The following C5AR1 variants were observed in gnomAD, a reference collection of about 807,000 sequenced individuals.
The protein encoded by C5AR1 is complement C5a receptor 1.
C5AR1 carries 4 observed loss-of-function variants against 2.4 expected under a neutral mutation model. That is an observed-to-expected ratio of 1.65 (90% CI 0.81 to 3.77). The LOEUF (loss-of-function observed/expected upper bound fraction) is 3.77, where lower values mean the gene tolerates loss of function less well. C5AR1 is among the 30% of genes most tolerant of loss of function. The pLI is 0.01. For missense variants in C5AR1, 418 were observed against 462.5 expected, an observed-to-expected ratio of 0.90 and a Z score of 0.88; for synonymous variants, 209 against 210.4, an observed-to-expected ratio of 0.99 and a Z score of 0.06.
intron 1 of C5AR1, 70 bp downstream of exon 1, chr19:47,309,968 C>T (rs2059264856): frequency 6.6e-7 from 1 of 1,506,386 alleles, no homozygotes; most frequent in African/African-American, 1.4e-5. Context: ...TCCAGTGGGT[C>T]CTTCTCTCTC....
intron 1 of C5AR1, chr19:47,316,570 A>G (rs998390832): frequency 6.6e-6 from 1 of 151,952 alleles, no homozygotes; most frequent in African/African-American, 2.4e-5. Flanking sequence ...TCTCTGGAGT[A>G]GCTGGGATTA....
In C5AR1 at chr19:47,320,788, C is replaced by T; in HGVS notation, c.1011C>T (p.Arg337=). The T allele has an allele frequency of 6.2e-7, 1 of 1,614,084 alleles. No homozygotes were observed. The highest frequency in any genetic ancestry group is 8.5e-7 in the Non-Finnish European group (1 of 1,180,000). ...SVVRESKSFT[R]STVDTMAQKT... The stretch of plus-strand genomic sequence containing the variant: ...TTAGGGAGAGCAAGTCATTCACGCG[C>T]TCCACAGTGGACACTATGGCCCAGA... Residue 337 remains arginine (R), a synonymous_variant, in exon 2 of 2, where the codon CGC becomes CGT. Transcript: ENST00000355085. This position sits in a 1 kb window ranked among gnomAD's most constrained non-coding sequence, Gnocchi z 4.9.
rs570332138 is a variant in C5AR1 at position 47,312,480 on chromosome 19, T to TAGC, written c.3+2585_3+2587dup. 4.5e-3 allele frequency among the ~76,000 whole-genome samples: 687 copies of TAGC among 152,354 alleles called. 5 individuals carry two copies. The highest frequency in any genetic ancestry group is 5.3e-3 in the Non-Finnish European group (360 of 68,032). On this transcript the variant is annotated intron_variant, in intron 1 of 1. Coordinates refer to ENST00000355085, the MANE Select transcript of C5AR1 (RefSeq NM_001736.4). ...TGAGTGAATGCATGAAAAGTTCTTG[T>TAGC]AGCAGTGCCTGGTATACAGTTGGCG...
intron 1 of C5AR1, among the ~76,000 whole-genome samples, chr19:47,317,698 C>A (rs887387159): frequency 4.6e-5 from 7 of 151,256 alleles, no homozygotes; most frequent in African/African-American, 1.7e-4. Flanking sequence ...GGTAGAAAAA[C>A]CAGGCCGGGT....
Position 47,320,865 on chromosome 19 carries a change from C to A in C5AR1, c.*35C>A. ...TCATGGGCCACTGTGGCCCGATGTC[C>A]CCTTCCTTCCCGGCCATTCTCCCTC... On this transcript the variant is annotated 3_prime_UTR_variant, in exon 2 of 2. Coordinates refer to ENST00000355085, the MANE Select transcript of C5AR1 (RefSeq NM_001736.4). This position sits in a 1 kb window ranked among gnomAD's most constrained non-coding sequence, Gnocchi z 4.9. The A allele has an allele frequency of 6.5e-7, 1 of 1,543,216 alleles. No homozygotes were observed. The highest frequency in any genetic ancestry group is 8.8e-7 in the Non-Finnish European group (1 of 1,136,086).
At position 47,314,882 on chromosome 19, in the gene C5AR1, C is replaced by T. The variant is rs147794920; in HGVS notation, c.4-4899C>T. On this transcript the variant is annotated intron_variant, in intron 1 of 1. Transcript: ENST00000355085. ...CTAATTTTTGTATTTTTAGTAGAGA[C>T]GGGGTTTCACTATGTTGGCCAGTCT... Among the ~76,000 whole-genome samples the T allele has an allele frequency of 1.0e-2, 1,516 of 152,062 alleles. 34 individuals are homozygous for T. The highest frequency in any genetic ancestry group is 0.035 in the African/African-American group (1,434 of 41,466).
upstream of C5AR1, among the ~76,000 whole-genome samples, chr19:47,308,961 G>A (rs1019644526): frequency 7.2e-5 from 11 of 152,090 alleles, no homozygotes; most frequent in Non-Finnish European, 1.5e-4. Flanking sequence ...TTTTAGTAGA[G>A]ACAGGGTTTC....
chr19:47,314,182 T>C (rs963217463), intron 1 of C5AR1, among the ~76,000 whole-genome samples: 1 of 152,132 alleles, frequency 6.6e-6, no homozygotes, highest in Admixed American at 6.6e-5. Flanking sequence ...CATGTGAATT[T>C]AGGAAGAATA....
At chr19:47,310,964 G>A (rs1299768980) in intron 1 of C5AR1, among the ~76,000 whole-genome samples, 5 of 152,290 alleles carry the variant, frequency 3.3e-5, no homozygotes, top group African/African-American at 9.6e-5. Flanking sequence ...TCATCCCTGC[G>A]TCTGGAGGCC....
chr19:47,317,359 T>A (rs1327962102), intron 1 of C5AR1, among the ~76,000 whole-genome samples: 1 of 151,338 alleles, frequency 6.6e-6, no homozygotes, highest in Non-Finnish European at 1.5e-5. Context: ...ACATTAAAAA[T>A]TAGCTGGGCA....
intron 1 of C5AR1, among the ~76,000 whole-genome samples, chr19:47,317,377 A>G (rs2059293126): frequency 6.6e-6 from 1 of 150,928 alleles, no homozygotes. Context: ...GCACAGTAGT[A>G]TGCACCTGTA....
chr19:47,314,892 C>T (rs2059281172), intron 1 of C5AR1, among the ~76,000 whole-genome samples: 1 of 152,136 alleles, frequency 6.6e-6, no homozygotes, highest in Admixed American at 6.6e-5. Context: ...CGGGGTTTCA[C>T]TATGTTGGCC....
At chr19:47,308,251 T>C (rs1599727570), upstream of C5AR1, among the ~76,000 whole-genome samples, 2 of 150,426 alleles carry the variant, frequency 1.3e-5, 1 homozygote, top group Admixed American at 1.3e-4. Flanking sequence ...TGAACCCTGT[T>C]GTGAACAGCG....
chr19:47,320,581 G>A lies in C5AR1; in HGVS notation c.804G>A (p.Leu268=). Residue 268 remains leucine (L), a synonymous_variant, in exon 2 of 2, where the codon CTG becomes CTA. Coordinates refer to ENST00000355085, the MANE Select transcript of C5AR1 (RefSeq NM_001736.4). This position sits in a 1 kb window ranked among gnomAD's most constrained non-coding sequence, Gnocchi z 4.9. The part of the protein sequence containing the change: ...YQVTGIMMSF[L]EPSSPTFLLL... The stretch of plus-strand genomic sequence containing the variant: ...TGACGGGGATAATGATGTCCTTCCT[G>A]GAGCCATCGTCACCCACCTTCCTGC... The A allele has an allele frequency of 6.2e-7, 1 of 1,613,904 alleles. No homozygotes were observed. The highest frequency in any genetic ancestry group is 8.5e-7 in the Non-Finnish European group (1 of 1,179,962).
Position 47,320,738 on chromosome 19 carries a change from A to C in C5AR1, c.961A>C (p.Asn321His), listed in dbSNP as rs2059307528. 2 of 1,614,134 alleles carry C rather than the reference A, an allele frequency of 1.2e-6. No individual in the cohort carries two copies. Among genetic ancestry groups the C allele is most frequent in the Non-Finnish European group, 1.7e-6 (2 of 1,180,038 alleles). ...GAAATCCCTCCCCAGCCTCCTCCGG[A>C]ACGTGTTGACTGAAGAGTCCGTGGT... ...LRKSLPSLLR[N>H]VLTEESVVRE... The change falls in exon 2 of 2, where the codon AAC becomes CAC. Residue 321 changes from asparagine (N) to histidine (H), a missense_variant. Transcript: ENST00000355085. The surrounding 1 kb of genome is among the most constrained non-coding windows in gnomAD (Gnocchi z 4.9).
At chr19:47,312,588 T>A (rs1004860549) in intron 1 of C5AR1, among the ~76,000 whole-genome samples, 23 of 152,222 alleles carry the variant, frequency 1.5e-4, no homozygotes, top group African/African-American at 2.2e-4. Flanking sequence ...CTGGCTTTTT[T>A]AAATGAATAA....
chr19:47,313,871 C>A (rs1250995131), intron 1 of C5AR1, among the ~76,000 whole-genome samples: 1 of 151,974 alleles, frequency 6.6e-6, no homozygotes, highest in Non-Finnish European at 1.5e-5. Flanking sequence ...TTTTTCTCTT[C>A]TGGAAAATGA....
Position 47,320,635 on chromosome 19 carries a change from C to T in C5AR1, c.858C>T (p.Val286=). The change falls in exon 2 of 2, where the codon GTC becomes GTT. Residue 286 remains valine (V), a synonymous_variant. Coordinates refer to ENST00000355085, the MANE Select transcript of C5AR1 (RefSeq NM_001736.4). The surrounding 1 kb of genome is among the most constrained non-coding windows in gnomAD (Gnocchi z 4.9). ...TGAAGAAGCTGGACTCCCTGTGTGT[C>T]TCCTTTGCCTACATCAACTGCTGCA... ...LLLKKLDSLC[V]SFAYINCCIN... 6.2e-7 allele frequency: 1 copy of T among 1,614,136 alleles called. No homozygotes were observed. Among genetic ancestry groups the T allele is most frequent in the Non-Finnish European group, 8.5e-7 (1 of 1,180,000 alleles).
rs1568661864 is a variant in C5AR1 at position 47,319,885 on chromosome 19, A to G, written c.108A>G (p.Pro36=). 1 of 1,614,206 alleles carries G rather than the reference A, an allele frequency of 6.2e-7. No homozygotes were observed. Among genetic ancestry groups the G allele is most frequent in the East Asian group, 2.2e-5 (1 of 44,878 alleles). Residue 36 remains proline (P), a synonymous_variant, in exon 2 of 2, where the codon CCA becomes CCG. Transcript: ENST00000355085. The part of the protein sequence containing the change: ...VDKTSNTLRV[P]DILALVIFAV... The stretch of plus-strand genomic sequence containing the variant: ...AAACTTCTAACACGCTGCGTGTTCC[A>G]GACATCCTGGCCTTGGTCATCTTTG...
Sources: allele counts gnomAD v4.1 joint callset (sites outside exome capture counted in the v4.1 genomes callset), GRCh38; gene constraint gnomAD v4.1.1; non-coding constraint Gnocchi (gnomAD v3.1); transcripts MANE v1.5; gene names NCBI Gene and HGNC (gene_info 2026-07-23, HGNC 2026-07-21).